The following SREBF1 variants were observed in gnomAD, a reference collection of about 807,000 sequenced individuals.
SREBF1 encodes the protein sterol regulatory element-binding protein 1.
SREBF1 carries 45 observed loss-of-function variants against 100.1 expected under a neutral mutation model. The ratio of observed to expected loss-of-function variants is 0.45; its 90% CI spans 0.35 to 0.58. The LOEUF (loss-of-function observed/expected upper bound fraction) is 0.58, where lower values mean the gene tolerates loss of function less well. SREBF1 is among the 20% of genes least tolerant of loss of function. The pLI is 0.00. For synonymous variants in SREBF1, 657 were observed against 681.8 expected (o/e 0.96, Z 0.57); for missense variants, 1,324 against 1,539.4 (o/e 0.86, Z 2.34).
chr17:17,814,507 AGGT>A, intron 15 of SREBF1, 97 bp from the exon 16 acceptor site: 1 of 1,536,386 alleles, frequency 6.5e-7, no homozygotes, highest in East Asian at 2.4e-5. Context: ...TGAGGAAAAA[AGGT>A]GGTGACTCCT....
At chr17:17,825,671 G>A (rs908577246) in intron 1 of SREBF1, among the ~76,000 whole-genome samples, 6 of 144,414 alleles carry the variant, frequency 4.2e-5, no homozygotes, top group Admixed American at 1.4e-4. Context: ...GCAGTGACAC[G>A]ATCTCAGCTC....
intron 12 of SREBF1, 79 bp downstream of exon 12, chr17:17,815,781 A>C: frequency 4.5e-5 from 65 of 1,447,742 alleles, no homozygotes; most frequent in Middle Eastern, 1.7e-4. Context: ...AGAGACAGCC[A>C]GAGATTCAGG....
Position 17,818,249 on chromosome 17 carries a change from C to T in SREBF1, c.1183+11G>A. The T allele has an allele frequency of 1.2e-6, 2 of 1,610,624 alleles. No homozygotes were observed. The highest frequency in any genetic ancestry group is 1.7e-6 in the Non-Finnish European group (2 of 1,177,176). ...GAGGCCAGACTGGAGCTCAATAAAG[C>T]CAGGACTCACTGCTTTTGTGGACAG... On this transcript the variant is annotated intron_variant, in intron 6 of 18. Transcript: ENST00000261646.
chr17:17,821,561 G>A (rs982325394), intron 1 of SREBF1, among the ~76,000 whole-genome samples: 6 of 152,162 alleles, frequency 3.9e-5, no homozygotes, highest in Non-Finnish European at 8.8e-5. Flanking sequence ...ATTTGACAAA[G>A]CAACTTAGAA....
rs143021204 is a variant in SREBF1, at chr17:17,814,836, G to A, written c.2601C>T (p.Thr867=). The A allele has an allele frequency of 2.8e-5, 45 of 1,596,382 alleles. No homozygotes were observed. The highest frequency in any genetic ancestry group is 3.3e-4 in the Middle Eastern group (2 of 6,066). Residue 867 remains threonine, a splice_region_variant and synonymous_variant, in exon 14 of 19, where the codon ACC becomes ACT. Coordinates refer to ENST00000261646, the MANE Select transcript of SREBF1 (RefSeq NM_004176.5). ...FSISSSMATT[T]GVDPVAKWWA... ...CCAGGACAGGGGCCGGGGACTCACC[G>A]GTGGTGGTGGCCATGCTGGAACTGA...
At chr17:17,814,097 C>A in intron 16 of SREBF1, 148 bp downstream of exon 16, 1 of 956,268 alleles carries the variant, frequency 1.0e-6, no homozygotes, top group Non-Finnish European at 1.6e-6. Flanking sequence ...GAAGCCTTAG[C>A]CAAAAAGCAG....
intron 1 of SREBF1, among the ~76,000 whole-genome samples, chr17:17,831,401 CTG>C (rs1183032859): frequency 6.6e-6 from 1 of 152,070 alleles, no homozygotes; most frequent in Non-Finnish European, 1.5e-5. Context: ...CGGGAGAACT[CTG>C]AGAACGCACT....
Position 17,817,320 on chromosome 17 carries a change from G to T in SREBF1, c.1542C>A (p.Ser514Arg). 6.2e-7 allele frequency: 1 copy of T among 1,605,844 alleles called. No individual in the cohort carries two copies. Among genetic ancestry groups the T allele is most frequent in the Non-Finnish European group, 8.5e-7 (1 of 1,177,356 alleles). ...ASLLGARGLP[S>R]PSDTTSVYHS... The stretch of plus-strand genomic sequence containing the variant: ...GGTAGACGCTGGTGGTATCTGAGGG[G>T]CTGGGAAGCCCCCGGGCCCCCAGCA... Residue 514 changes from serine to arginine, a missense_variant, in exon 8 of 19, where the codon AGC becomes AGA. Coordinates refer to ENST00000261646, the MANE Select transcript of SREBF1 (RefSeq NM_004176.5). This position sits in a 1 kb window ranked among gnomAD's most constrained non-coding sequence, Gnocchi z 6.6.
chr17:17,812,576 A>C lies in SREBF1; in HGVS notation c.*46T>G. ...CGACGCAGGACAGAAGCTGCACGGG[A>C]CCAAAGTGGCTAGAGACAGGGGTGC... is the stretch of plus-strand genomic sequence containing the variant. On this transcript the variant is annotated 3_prime_UTR_variant, in exon 19 of 19. Coordinates refer to ENST00000261646, the MANE Select transcript of SREBF1 (RefSeq NM_004176.5). 2 of 1,548,092 alleles carry C rather than the reference A, an allele frequency of 1.3e-6. No homozygotes were observed. Among genetic ancestry groups the C allele is most frequent in the Non-Finnish European group, 1.8e-6 (2 of 1,140,468 alleles).
Position 17,812,073 on chromosome 17 carries a change from C to A in SREBF1, c.*549G>T. The A allele has an allele frequency of 2.3e-6, 1 of 434,896 alleles. No homozygotes were observed. Among genetic ancestry groups the A allele is most frequent in the Admixed American group, 2.9e-5 (1 of 34,552 alleles). 26.9% of individuals were successfully genotyped at this position (434,896 alleles called of 1,614,324 possible). A position where few individuals can be genotyped will look rare whatever the true frequency, so the allele number is the denominator to read the frequency against. ...ATCCATCAGCTGAAGACACAAAACC[C>A]AGATTATAAATAATTTCATTTTTAA... On this transcript the variant is annotated 3_prime_UTR_variant, in exon 19 of 19. Coordinates refer to ENST00000261646, the MANE Select transcript of SREBF1 (RefSeq NM_004176.5).
rs2143011608 is a variant in SREBF1, at chr17:17,815,333, T to A, written c.2384-4A>T. The A allele has an allele frequency of 6.2e-7, 1 of 1,612,432 alleles. No individual in the cohort carries two copies. The highest frequency in any genetic ancestry group is 2.2e-5 in the East Asian group (1 of 44,846). On this transcript the variant is annotated splice_region_variant and splice_polypyrimidine_tract_variant and intron_variant, in intron 12 of 18. Transcript: ENST00000261646. The stretch of plus-strand genomic sequence containing the variant: ...GTCACCTGGGCCAGGGGGTCCACTG[T>A]GGAGAGGAGGAGGTGAGTGGGGTGG...
rs753317507 is a variant in SREBF1, at chr17:17,817,560, C to A, written c.1405-103G>T. 5.3e-5 allele frequency: 80 copies of A among 1,516,642 alleles called. No individual in the cohort carries two copies. The highest frequency in any genetic ancestry group is 3.7e-4 in the Admixed American group (19 of 51,592). The allele number at this position is 1,516,642 out of a possible 1,614,324, so 93.9% of individuals were successfully genotyped here. On this transcript the variant is annotated intron_variant, in intron 7 of 18. Transcript: ENST00000261646. This position sits in a 1 kb window ranked among gnomAD's most constrained non-coding sequence, Gnocchi z 6.6. ...GGATTCTGCCCACCTTACTGTGGGA[C>A]CCCACGTGGCTCCAGGCCTCAGTTA...
intron 1 of SREBF1, among the ~76,000 whole-genome samples, chr17:17,831,640 G>A (rs1184735456): frequency 1.3e-5 from 2 of 152,154 alleles, no homozygotes; most frequent in Non-Finnish European, 2.9e-5. Context: ...TCAGCAGGGA[G>A]GTGAAGACTG....
At chr17:17,815,820 G>A in intron 12 of SREBF1, 40 bp downstream of exon 12, 3 of 1,588,768 alleles carry the variant, frequency 1.9e-6, no homozygotes, top group Non-Finnish European at 2.6e-6. Context: ...GAATGAGGAT[G>A]AGGGACAGGA....
intron 13 of SREBF1, 110 bp from the exon 14 acceptor site, chr17:17,815,054 T>G (rs1249634102): frequency 4.8e-6 from 6 of 1,251,168 alleles, no homozygotes; most frequent in South Asian, 1.3e-5. Context: ...AAAGTGCCAC[T>G]GTCTCCTCCC....
intron 1 of SREBF1, among the ~76,000 whole-genome samples, chr17:17,833,081 A>G (rs1428312842): frequency 6.6e-6 from 1 of 152,106 alleles, no homozygotes; most frequent in African/African-American, 2.4e-5. Flanking sequence ...CATGGAACCA[A>G]GCAGATTCCA....
chr17:17,820,876 G>A (rs748324424), intron 1 of SREBF1: 10 of 367,820 alleles, frequency 2.7e-5, no homozygotes, highest in Admixed American at 1.2e-4. Flanking sequence ...CCCACCATCC[G>A]GTATTTGCCC....
intron 5 of SREBF1, 153 bp from the exon 6 acceptor site, chr17:17,818,527 C>T (rs1279363719): frequency 9.0e-6 from 6 of 664,550 alleles, no homozygotes; most frequent in African/African-American, 5.3e-5. Flanking sequence ...AACCGTTCCT[C>T]GCCTAGTAGC....
intron 15 of SREBF1, 32 bp downstream of exon 15, chr17:17,814,583 G>C: frequency 6.5e-7 from 1 of 1,537,186 alleles, no homozygotes; most frequent in Non-Finnish European, 8.7e-7. Context: ...CTGAGCCCGG[G>C]ACCAGGCAGG....
Sources: gnomAD v4.1 joint callset for allele counts (sites outside exome capture counted in the v4.1 genomes callset) on GRCh38, gnomAD v4.1.1 for gene constraint, Gnocchi (gnomAD v3.1) non-coding constraint, MANE v1.5 for transcripts, NCBI Gene and HGNC (gene_info 2026-07-23, HGNC 2026-07-21) for gene names.